The following SEMA3E variants were observed in gnomAD, a reference collection of about 807,000 sequenced individuals.
The protein encoded by SEMA3E is semaphorin 3E, also known as semaphorin-3E.
SEMA3E carries 49 observed loss-of-function variants against 93.6 expected under a neutral mutation model. That is an observed-to-expected ratio of 0.52 (90% CI 0.42 to 0.66). The LOEUF (loss-of-function observed/expected upper bound fraction) is 0.66, where lower values mean the gene tolerates loss of function less well. Among genes scored for constraint, SEMA3E ranks in the 30% least tolerant of loss-of-function variants. SEMA3E has a pLI of 0.00. For missense variants in SEMA3E, 906 were observed against 964.8 expected (o/e 0.94, Z 0.81); for synonymous variants, 363 against 330.7 (o/e 1.10, Z -1.06).
At chr7:83,470,873 T>A (rs1201246180) in intron 2 of SEMA3E, among the ~76,000 whole-genome samples, 3 of 151,180 alleles carry the variant, frequency 2.0e-5, no homozygotes, top group Non-Finnish European at 4.4e-5. Flanking sequence ...TTTTTTTTTT[T>A]TTTTTGGATC....
At chr7:83,515,389 A>G (rs1426616398) in intron 1 of SEMA3E, among the ~76,000 whole-genome samples, 3 of 152,086 alleles carry the variant, frequency 2.0e-5, no homozygotes, top group African/African-American at 7.2e-5. Context: ...TTTAAAGTCT[A>G]TCTAAAATAT....
intron 2 of SEMA3E, among the ~76,000 whole-genome samples, chr7:83,469,865 C>T (rs1456076603): frequency 2.0e-5 from 3 of 151,628 alleles, no homozygotes; most frequent in African/African-American, 4.9e-5. Flanking sequence ...GGTGTGATCT[C>T]GGCTCATTGC....
intron 4 of SEMA3E, among the ~76,000 whole-genome samples, chr7:83,454,511 G>A (rs945802631): frequency 1.3e-5 from 2 of 151,746 alleles, no homozygotes; most frequent in Non-Finnish European, 2.9e-5. Flanking sequence ...AGTTGTGAAA[G>A]AGAAAAGGCA....
chr7:83,500,742 G>T (rs1018722879), intron 1 of SEMA3E, among the ~76,000 whole-genome samples: 1 of 151,734 alleles, frequency 6.6e-6, no homozygotes. Flanking sequence ...ATAGGCATAC[G>T]CCACCATACC....
intron 1 of SEMA3E, among the ~76,000 whole-genome samples, chr7:83,624,031 A>G (rs954244695): frequency 2.0e-5 from 3 of 152,112 alleles, no homozygotes; most frequent in African/African-American, 7.2e-5. Flanking sequence ...AGCTTCATCC[A>G]TGTCCCTGCA....
intron 1 of SEMA3E, among the ~76,000 whole-genome samples, chr7:83,537,133 G>A (rs1331526608): frequency 6.6e-6 from 1 of 151,896 alleles, no homozygotes; most frequent in African/African-American, 2.4e-5. Flanking sequence ...TCATCTGCAA[G>A]CAGGAAGACA....
At chr7:83,463,252 C>A (rs1383708262) in intron 4 of SEMA3E, among the ~76,000 whole-genome samples, 1 of 151,678 alleles carries the variant, frequency 6.6e-6, no homozygotes, top group African/African-American at 2.4e-5. Flanking sequence ...CACCCTGTAG[C>A]CTTTATGTCC....
chr7:83,448,381 T>C (rs772594783), intron 4 of SEMA3E, among the ~76,000 whole-genome samples: 27 of 152,278 alleles, frequency 1.8e-4, no homozygotes, highest in Middle Eastern at 3.4e-3. Flanking sequence ...GTGTGGTGGC[T>C]CATGTCTATA....
intron 9 of SEMA3E, among the ~76,000 whole-genome samples, chr7:83,404,351 G>C (rs1310071501): frequency 6.6e-6 from 1 of 151,800 alleles, no homozygotes; most frequent in East Asian, 1.9e-4. Context: ...ACAAACTAAA[G>C]CTGTGTGGAA....
chr7:83,521,674 C>G (rs1209171422), intron 1 of SEMA3E, among the ~76,000 whole-genome samples: 1 of 151,960 alleles, frequency 6.6e-6, no homozygotes. Flanking sequence ...GGGTTTTCTT[C>G]CCGGCTTGAA....
chr7:83,575,631 GC>G (rs1276570342), intron 1 of SEMA3E, among the ~76,000 whole-genome samples: 131 of 152,232 alleles, frequency 8.6e-4, no homozygotes, highest in African/African-American at 3.0e-3. Context: ...ATCTGGAACA[GC>G]TGTAACAGAT....
chr7:83,591,748 A>G (rs986895929), intron 1 of SEMA3E, among the ~76,000 whole-genome samples: 1 of 152,026 alleles, frequency 6.6e-6, no homozygotes, highest in African/African-American at 2.4e-5. Flanking sequence ...TTTGCATTTC[A>G]AGGGTTTTTG....
chr7:83,408,344 A>G (rs1788365815), intron 6 of SEMA3E, 24 bp downstream of exon 6: 1 of 1,613,434 alleles, frequency 6.2e-7, no homozygotes, highest in African/African-American at 1.3e-5. Context: ...ATCCTAATTC[A>G]CATACTCTTT....
rs558464898 is a variant in SEMA3E, at chr7:83,437,529, T to A, written c.457-19046A>T. On this transcript the variant is annotated intron_variant, in intron 4 of 16. Transcript: ENST00000643230. ...AAAAAACAAAGGCTTTCTTTCTTAT[T>A]TTAAACATAAAAATCAGTGAAAGTT... Among the ~76,000 whole-genome samples the A allele has an allele frequency of 2.6e-5, 4 of 152,200 alleles. No homozygotes were observed. The South Asian group carries it at 8.3e-4, about 32-fold the overall frequency.
intron 1 of SEMA3E, among the ~76,000 whole-genome samples, chr7:83,561,050 C>T (rs1451330153): frequency 6.6e-6 from 1 of 151,864 alleles, no homozygotes; most frequent in Non-Finnish European, 1.5e-5. Flanking sequence ...AATGTTAGTG[C>T]CCTTTTTTTG....
Position 83,405,447 on chromosome 7 carries a change from C to T in SEMA3E, c.998+3G>A. 1 of 1,607,896 alleles carries T rather than the reference C, an allele frequency of 6.2e-7. No individual in the cohort carries two copies. The highest frequency in any genetic ancestry group is 1.3e-5 in the African/African-American group (1 of 74,874). ...GTTTTTATTGACTGTATAAATTTCTCACCTGGTAGTGTTAAAGAGTCCAAA... is the reference window on the plus strand; with the variant it reads ...GTTTTTATTGACTGTATAAATTTCTTACCTGGTAGTGTTAAAGAGTCCAAA... On this transcript the variant is annotated splice_donor_region_variant and intron_variant, in intron 9 of 16. Coordinates refer to ENST00000643230, the MANE Select transcript of SEMA3E (RefSeq NM_012431.3).
At chr7:83,421,072 A>G (rs1788662242) in intron 4 of SEMA3E, among the ~76,000 whole-genome samples, 2 of 142,452 alleles carry the variant, frequency 1.4e-5, no homozygotes, top group African/African-American at 5.0e-5. Context: ...TCATCCAACA[A>G]AGGTTTAATA....
chr7:83,402,627 C>T lies in SEMA3E; in HGVS notation c.1143+5G>A. Reference sequence around the variant, plus strand: ...AAGAATTATTTGTTATATAACTAAACTTACAGAACCAGGCCTTGGATAAGG... The same window carrying T: ...AAGAATTATTTGTTATATAACTAAATTTACAGAACCAGGCCTTGGATAAGG... On this transcript the variant is annotated splice_donor_5th_base_variant and intron_variant, in intron 10 of 16. Coordinates refer to ENST00000643230, the MANE Select transcript of SEMA3E (RefSeq NM_012431.3). 6.2e-7 allele frequency: 1 copy of T among 1,610,884 alleles called. No homozygotes were observed. Among genetic ancestry groups the T allele is most frequent in the Non-Finnish European group, 8.5e-7 (1 of 1,177,534 alleles).
intron 1 of SEMA3E, among the ~76,000 whole-genome samples, chr7:83,647,378 AG>A (rs1380399489): frequency 1.3e-5 from 2 of 152,110 alleles, no homozygotes; most frequent in Non-Finnish European, 2.9e-5. Context: ...TTCTTTCTAC[AG>A]TGGGGGACAA....
Sources: gnomAD v4.1 joint callset for allele counts (sites outside exome capture counted in the v4.1 genomes callset) on GRCh38, gnomAD v4.1.1 for gene constraint, MANE v1.5 for transcripts, NCBI Gene and HGNC (gene_info 2026-07-23, HGNC 2026-07-21) for gene names.